Variants in ZIM2 observed in about 807,000 individuals in gnomAD.
ZIM2 encodes the protein zinc finger protein 656.
Under a neutral mutation model 38.6 loss-of-function variants are expected in ZIM2, and 14 were observed. That is an observed-to-expected ratio of 0.36 (90% CI 0.24 to 0.57). ZIM2 has a LOEUF of 0.57. ZIM2 is among the 20% of genes least tolerant of loss of function. The pLI, the probability that ZIM2 is intolerant of heterozygous loss-of-function variation, is 0.81. For synonymous variants in ZIM2, 247 were observed against 245.8 expected (o/e 1.00, Z -0.04); for missense variants, 680 against 695.1 (o/e 0.98, Z 0.24).
intron 9 of ZIM2, chr19:56,815,834 C>A (rs2059929065): frequency 6.2e-7 from 1 of 1,613,648 alleles, no homozygotes; most frequent in South Asian, 1.1e-5. Flanking sequence ...TGTCGCTTAT[C>A]ATTAAGGTCT....
intron 9 of ZIM2, among the ~76,000 whole-genome samples, chr19:56,801,828 A>G (rs781175551): frequency 2.0e-5 from 3 of 152,208 alleles, no homozygotes; most frequent in Admixed American, 6.5e-5. Context: ...TAAGGTGTCC[A>G]ACAACCGGGA....
chr19:56,790,404 A>G (rs1306144986), intron 9 of ZIM2, among the ~76,000 whole-genome samples: 2 of 152,202 alleles, frequency 1.3e-5, no homozygotes, highest in Non-Finnish European at 2.9e-5. Flanking sequence ...AATAATTCAT[A>G]TGTTATAAAT....
intron 9 of ZIM2, chr19:56,816,563 A>G (rs1404927511): frequency 6.2e-7 from 1 of 1,614,066 alleles, no homozygotes; most frequent in East Asian, 2.2e-5. Context: ...TTACATTCGT[A>G]CATTTTCTCT....
In ZIM2 at chr19:56,824,586, C is replaced by T. The variant is rs771429848; in HGVS notation, c.-150-159G>A. ...TCCGGCTCCTTAGTCAAGTCACTGT[C>T]TAGCTCATACAGATTTGGGGCCCAG... On this transcript the variant is annotated intron_variant, in intron 3 of 12. Transcript: ENST00000629319. 6 of 1,613,996 alleles carry T rather than the reference C, an allele frequency of 3.7e-6. No homozygotes were observed. In the South Asian group the frequency reaches 5.5e-5, roughly 15 times the overall value.
intron 4 of ZIM2, among the ~76,000 whole-genome samples, 167 bp from the exon 5 acceptor site, chr19:56,823,846 C>A (rs1381392131): frequency 2.0e-5 from 3 of 152,172 alleles, no homozygotes; most frequent in Non-Finnish European, 4.4e-5. Context: ...CCACTCCTGG[C>A]ATACTAAAAA....
At chr19:56,802,718 G>A (rs1352947090) in intron 9 of ZIM2, among the ~76,000 whole-genome samples, 2 of 152,154 alleles carry the variant, frequency 1.3e-5, no homozygotes, top group African/African-American at 4.8e-5. Flanking sequence ...AGACAGGCAG[G>A]AAACAGCAAC....
chr19:56,799,813 C>A (rs117570040), intron 9 of ZIM2, among the ~76,000 whole-genome samples: 1,897 of 152,154 alleles, frequency 0.012, 22 homozygotes, highest in Non-Finnish European at 0.019. Flanking sequence ...GAATAAATAA[C>A]CAAAGTATGC....
chr19:56,781,673 A>G (rs534996989), intron 11 of ZIM2, among the ~76,000 whole-genome samples: 6 of 152,200 alleles, frequency 3.9e-5, no homozygotes, highest in Middle Eastern at 3.4e-3. Context: ...AACAACAACA[A>G]TAAGTATACC....
chr19:56,824,128 T>A, intron 4 of ZIM2, 134 bp downstream of exon 4: 4 of 1,418,478 alleles, frequency 2.8e-6, no homozygotes, highest in Non-Finnish European at 3.8e-6. Context: ...TATCCCACAG[T>A]ACACAGGACA....
In ZIM2 at chr19:56,799,255, A is replaced by G. The variant is rs1004737529; in HGVS notation, c.491-9304T>C. 4.6e-5 allele frequency: 7 copies of G among 152,354 alleles called. No individual in the cohort carries two copies. In the East Asian group the frequency reaches 1.4e-3, roughly 29 times the overall value. The allele number at this position is 152,354 out of a possible 1,614,324, so 9.4% of individuals were successfully genotyped here. A position where few individuals can be genotyped will look rare whatever the true frequency, so the allele number is the denominator to read the frequency against. On this transcript the variant is annotated intron_variant, in intron 9 of 12. Transcript: ENST00000629319. The stretch of plus-strand genomic sequence containing the variant: ...AAATATGGTACGTATACACCAAGGA[A>G]TACCATGCAGCCATAAAAAGGAACA...
intron 9 of ZIM2, chr19:56,813,472 C>T (rs2059682095): frequency 7.2e-7 from 1 of 1,393,112 alleles, no homozygotes; most frequent in Non-Finnish European, 9.3e-7. Context: ...CATGCAGACA[C>T]TGACATCTGA....
Position 56,775,081 on chromosome 19 carries a change from C to T in ZIM2, c.1284G>A (p.Ala428=), listed in dbSNP as rs143841099. 1.4e-5 allele frequency: 22 copies of T among 1,614,134 alleles called. No individual in the cohort carries two copies. Among genetic ancestry groups the T allele is most frequent in the African/African-American group, 8.0e-5 (6 of 75,018 alleles). Reference sequence around the variant, plus strand: ...GAATTCTTACACGTTCACAGAGATTCGCACACTGGACGGAAGGCTTTCTAC... The same window carrying T: ...GAATTCTTACACGTTCACAGAGATTTGCACACTGGACGGAAGGCTTTCTAC... ...NEGRKPSVQC[A]NLCERVRIHS... is the part of the protein sequence containing the mutation. Residue 428 remains alanine, a synonymous_variant, in exon 13 of 13, where the codon GCG becomes GCA. Coordinates refer to ENST00000629319, the MANE Select transcript of ZIM2 (RefSeq NM_001387356.1).
At chr19:56,809,997 G>T in intron 9 of ZIM2, 1 of 243,928 alleles carries the variant, frequency 4.1e-6, no homozygotes, top group Non-Finnish European at 6.6e-6. Flanking sequence ...GCTAAAGGAG[G>T]AACTAAGCTT....
chr19:56,795,164 C>T (rs913393245), intron 9 of ZIM2, among the ~76,000 whole-genome samples: 1 of 152,152 alleles, frequency 6.6e-6, no homozygotes, highest in Non-Finnish European at 1.5e-5. Context: ...AAGTGATTCT[C>T]AAGCCTCAGC....
intron 4 of ZIM2, among the ~76,000 whole-genome samples, 200 bp from the exon 5 acceptor site, chr19:56,823,879 C>A (rs2060753630): frequency 6.6e-6 from 1 of 152,146 alleles, no homozygotes; most frequent in Non-Finnish European, 1.5e-5. Context: ...AGCATGGTGG[C>A]TGTGACCACC....
chr19:56,801,915 C>G (rs2047543644), intron 9 of ZIM2, among the ~76,000 whole-genome samples: 1 of 152,172 alleles, frequency 6.6e-6, no homozygotes, highest in East Asian at 1.9e-4. Flanking sequence ...CAAGTGCCAG[C>G]TGGATAACTC....
intron 9 of ZIM2, among the ~76,000 whole-genome samples, chr19:56,797,663 C>T (rs1252173890): frequency 6.6e-6 from 1 of 152,174 alleles, no homozygotes; most frequent in Admixed American, 6.5e-5. Flanking sequence ...TCCTCCTCTT[C>T]CTCCTCCCTG....
chr19:56,815,749 C>T (rs2059921819), intron 9 of ZIM2: 1 of 1,614,034 alleles, frequency 6.2e-7, no homozygotes, highest in African/African-American at 1.3e-5. Context: ...ACGGAATACA[C>T]TCTGTATGAC....
At chr19:56,790,572 G>C (rs2046878459) in intron 9 of ZIM2, among the ~76,000 whole-genome samples, 2 of 152,130 alleles carry the variant, frequency 1.3e-5, no homozygotes, top group Admixed American at 1.3e-4. Context: ...GTATCACAGT[G>C]CTTGTGTTCA....
Sources: gnomAD v4.1 joint callset for allele counts (sites outside exome capture counted in the v4.1 genomes callset) on GRCh38, gnomAD v4.1.1 for gene constraint, MANE v1.5 for transcripts, NCBI Gene and HGNC (gene_info 2026-07-23, HGNC 2026-07-21) for gene names.